DENND6A: variants seen among roughly 807,000 people sequenced by gnomAD.
DENND6A encodes the protein protein DENND6A.
Under a neutral mutation model 95.5 loss-of-function variants are expected in DENND6A, and 43 were observed. The ratio of observed to expected loss-of-function variants is 0.45; its 90% CI spans 0.35 to 0.58. The LOEUF (loss-of-function observed/expected upper bound fraction) is 0.58. Ranked by LOEUF, DENND6A falls within the 20% of genes least tolerant of loss-of-function variation. The pLI is 0.00. For missense variants in DENND6A, 574 were observed against 736.0 expected (o/e 0.78, Z 2.55); for synonymous variants, 257 against 260.4 (o/e 0.99, Z 0.13).
chr3:57,632,723 T>A (rs2070713374), intron 15 of DENND6A, among the ~76,000 whole-genome samples: 1 of 152,212 alleles, frequency 6.6e-6, no homozygotes, highest in Non-Finnish European at 1.5e-5. Context: ...TACTTTAATA[T>A]GACATCCTTC....
intron 9 of DENND6A, among the ~76,000 whole-genome samples, chr3:57,652,153 C>G (rs2071223144): frequency 6.6e-6 from 1 of 152,230 alleles, no homozygotes; most frequent in South Asian, 2.1e-4. Context: ...GACTGGATTA[C>G]TGGTTTGATT....
chr3:57,650,306 A>T (rs536906145), intron 9 of DENND6A, among the ~76,000 whole-genome samples: 2 of 144,796 alleles, frequency 1.4e-5, no homozygotes, highest in Admixed American at 1.4e-4. Flanking sequence ...CAAAAAACCT[A>T]AAAAAAAAAA....
At chr3:57,654,314 T>C (rs1330847384) in intron 9 of DENND6A, among the ~76,000 whole-genome samples, 2 of 152,082 alleles carry the variant, frequency 1.3e-5, no homozygotes, top group East Asian at 1.9e-4. Context: ...ATATAGTATG[T>C]TATTATAATC....
At chr3:57,685,802 G>T (rs78875392) in intron 1 of DENND6A, among the ~76,000 whole-genome samples, 251 of 151,182 alleles carry the variant, frequency 1.7e-3, no homozygotes, top group African/African-American at 5.8e-3. Flanking sequence ...TCATTCTATT[G>T]CAATATGTTG....
chr3:57,628,232 G>T lies in DENND6A; in HGVS notation c.1809C>A (p.Leu603=). ...GCAAATATCATGTCATGCCCGTTTT[G>T]AGCAGTATGCCTTGCAAGTCCTCTG... ...ALPEDLQGIL[L]KTGMT Residue 603 remains leucine, a synonymous_variant, in exon 20 of 20, where the codon CTC becomes CTA. Transcript: ENST00000311128. The T allele has an allele frequency of 6.2e-7, 1 of 1,613,316 alleles. No homozygotes were observed. The highest frequency in any genetic ancestry group is 1.1e-5 in the South Asian group (1 of 90,940).
At chr3:57,692,740 C>G (rs2077281761) in intron 1 of DENND6A, 42 bp downstream of exon 1, 2 of 1,400,340 alleles carry the variant, frequency 1.4e-6, no homozygotes, top group Non-Finnish European at 1.9e-6. Context: ...GCCGCCCCGG[C>G]GCAGGGGAGG....
At chr3:57,676,313 G>A (rs1014335827) in intron 1 of DENND6A, among the ~76,000 whole-genome samples, 1 of 148,468 alleles carries the variant, frequency 6.7e-6, no homozygotes, top group African/African-American at 2.5e-5. Context: ...CTGGGAGGCA[G>A]AGGTTGCAGT....
intron 1 of DENND6A, among the ~76,000 whole-genome samples, chr3:57,686,368 C>A (rs1218562356): frequency 1.3e-5 from 2 of 152,148 alleles, no homozygotes; most frequent in Admixed American, 1.3e-4. Flanking sequence ...ATTATAACTG[C>A]TCTCAGGTAA....
At chr3:57,633,391 G>A (rs1210838660) in intron 14 of DENND6A, 37 bp from the exon 15 acceptor site, 2 of 1,512,674 alleles carry the variant, frequency 1.3e-6, no homozygotes, top group Non-Finnish European at 1.8e-6. Flanking sequence ...GTATTCTAGT[G>A]TTGGAATATA....
At chr3:57,687,044 C>A (rs1183390493) in intron 1 of DENND6A, among the ~76,000 whole-genome samples, 1 of 152,020 alleles carries the variant, frequency 6.6e-6, no homozygotes, top group East Asian at 1.9e-4. Context: ...TTTTTCTATG[C>A]AACAGGGTCT....
intron 5 of DENND6A, among the ~76,000 whole-genome samples, chr3:57,663,331 G>C (rs1464303094): frequency 1.3e-5 from 2 of 149,930 alleles, no homozygotes; most frequent in African/African-American, 2.4e-5. Flanking sequence ...CCAGGCGTCG[G>C]GCGGGCACCT....
intron 3 of DENND6A, among the ~76,000 whole-genome samples, chr3:57,668,748 T>G (rs953708627): frequency 6.6e-6 from 1 of 152,216 alleles, no homozygotes; most frequent in Non-Finnish European, 1.5e-5. Flanking sequence ...TAAGTGGGTA[T>G]ACAATGGAAA....
chr3:57,678,881 G>A (rs893054527), intron 1 of DENND6A, among the ~76,000 whole-genome samples: 1 of 152,236 alleles, frequency 6.6e-6, no homozygotes. Flanking sequence ...ACCAAGGCAG[G>A]TAGATTACTT....
rs376758117 is a variant in DENND6A, at chr3:57,653,097, G to A, written c.818+4583C>T. On this transcript the variant is annotated intron_variant, in intron 9 of 19. Coordinates refer to ENST00000311128, the MANE Select transcript of DENND6A (RefSeq NM_152678.3). ...TTAAGAGATGACAGGGCACCAAGTCGCCAGCTTACTACCAAATGGTTTGGG... is the reference window on the plus strand; with the variant it reads ...TTAAGAGATGACAGGGCACCAAGTCACCAGCTTACTACCAAATGGTTTGGG... Among the ~76,000 whole-genome samples, 15 of 152,226 alleles carry A rather than the reference G, an allele frequency of 9.9e-5. No homozygotes were observed. The East Asian group carries it at 2.3e-3, about 23-fold the overall frequency.
intron 15 of DENND6A, among the ~76,000 whole-genome samples, 198 bp downstream of exon 15, chr3:57,633,067 G>C (rs2070721018): frequency 6.6e-6 from 1 of 152,116 alleles, no homozygotes; most frequent in South Asian, 2.1e-4. Flanking sequence ...TCAGAGAGAG[G>C]GAGTGACTTA....
At chr3:57,650,994 G>A (rs2071197549) in intron 9 of DENND6A, among the ~76,000 whole-genome samples, 1 of 152,094 alleles carries the variant, frequency 6.6e-6, no homozygotes, top group Admixed American at 6.6e-5. Context: ...ATGCCAGTCA[G>A]ACTGGTCTCG....
chr3:57,679,508 A>G, intron 1 of DENND6A: 1 of 985,488 alleles, frequency 1.0e-6, no homozygotes, highest in East Asian at 1.1e-4. Flanking sequence ...GCAAAAATAA[A>G]TGAATACAGC....
intron 1 of DENND6A, among the ~76,000 whole-genome samples, chr3:57,691,279 C>A (rs1487402300): frequency 1.3e-5 from 2 of 152,166 alleles, no homozygotes; most frequent in East Asian, 1.9e-4. Context: ...TACTCAAAAT[C>A]TTTGGGAACT....
chr3:57,641,814 A>T, intron 11 of DENND6A, 67 bp from the exon 12 acceptor site: 1 of 1,362,346 alleles, frequency 7.3e-7, no homozygotes, highest in Non-Finnish European at 1.0e-6. Context: ...TCAGTGAAGA[A>T]TAGTTTACTT....
Sources: allele counts gnomAD v4.1 joint callset (sites outside exome capture counted in the v4.1 genomes callset), GRCh38; gene constraint gnomAD v4.1.1; transcripts MANE v1.5; gene names NCBI Gene and HGNC (gene_info 2026-07-23, HGNC 2026-07-21).